The following FHDC1 variants were observed in gnomAD, a reference collection of about 807,000 sequenced individuals.
FHDC1 encodes FH2 domain containing 1, also known as FH2 domain-containing protein 1.
In FHDC1, 25 loss-of-function variants were observed where a neutral mutation model predicts 52.6. The ratio of observed to expected loss-of-function variants is 0.48; its 90% CI spans 0.35 to 0.66. FHDC1 has a LOEUF of 0.66. FHDC1 is among the 30% of genes least tolerant of loss of function. The pLI, the probability that FHDC1 is intolerant of heterozygous loss-of-function variation, is 0.01. For synonymous variants in FHDC1, 616 were observed against 581.5 expected (o/e 1.06, Z -0.85); for missense variants, 1,459 against 1,452.8 (o/e 1.00, Z -0.07).
chr4:152,965,398 A>G (rs934596120), intron 9 of FHDC1, among the ~76,000 whole-genome samples: 2 of 152,320 alleles, frequency 1.3e-5, no homozygotes, highest in African/African-American at 4.8e-5. Context: ...AAGAGTTTGT[A>G]ACCGTACCAA....
chr4:152,942,889 TTGTC>T (rs1041410421), intron 1 of FHDC1, 35 bp from the exon 2 acceptor site: 6 of 681,296 alleles, frequency 8.8e-6, no homozygotes, highest in Non-Finnish European at 1.4e-5. Flanking sequence ...GCGAAACTGT[TTGTC>T]TGTAACTGAT....
chr4:152,943,254 T>A lies in FHDC1; in HGVS notation c.197T>A (p.Leu66His). The change falls in exon 2 of 12, where the codon CTT (leucine) becomes CAT (histidine). Residue 66 changes from leucine (L) to histidine (H), a missense_variant. Coordinates refer to ENST00000511601, the MANE Select transcript of FHDC1 (RefSeq NM_001371116.1). ...SSPPPPPPPP[L>H]PGEPPIPPPP... is the part of the protein sequence containing the mutation. ...CCTCCTCCACCCCCACCACCTCCAC[T>A]TCCTGGGGAGCCTCCCATCCCACCT... 1 of 1,078,758 alleles carries A rather than the reference T, an allele frequency of 9.3e-7. No homozygotes were observed. Among genetic ancestry groups the A allele is most frequent in the Non-Finnish European group, 1.2e-6 (1 of 808,560 alleles). The allele number at this position is 1,078,758 out of a possible 1,614,324, so 66.8% of individuals were successfully genotyped here.
At chr4:152,915,350 G>A in the FHDC1 span, among the ~76,000 whole-genome samples, 4 of 152,134 alleles carry the variant, frequency 2.6e-5, no homozygotes, top group Admixed American at 6.5e-5. Context: ...TTCAATATAC[G>A]TAATTCCTCC....
At chr4:152,943,599 G>GTTTTGTGT in intron 2 of FHDC1, 44 bp downstream of exon 2, 1 of 1,559,058 alleles carries the variant, frequency 6.4e-7, no homozygotes, top group Non-Finnish European at 8.7e-7. Context: ...ACACTGCATT[G>GTTTTGTGT]TTTTGTGTTT....
At chr4:152,957,928 C>T (rs781042677) in intron 4 of FHDC1, among the ~76,000 whole-genome samples, 40 of 152,152 alleles carry the variant, frequency 2.6e-4, no homozygotes, top group Non-Finnish European at 4.9e-4. Flanking sequence ...ACACCCCCAC[C>T]ACGCCTGACC....
chr4:152,955,677 C>T (rs1043914163), intron 4 of FHDC1, among the ~76,000 whole-genome samples: 1 of 152,184 alleles, frequency 6.6e-6, no homozygotes, highest in Non-Finnish European at 1.5e-5. Flanking sequence ...GGGATTTCAC[C>T]ATGTTGTTCA....
intron 2 of FHDC1, among the ~76,000 whole-genome samples, chr4:152,949,158 A>AGC: frequency 1.4e-5 from 2 of 141,964 alleles, no homozygotes; most frequent in African/African-American, 5.2e-5. Context: ...GAAGAAGAAG[A>AGC]AGAAGAAGAA....
At position 152,943,323 on chromosome 4, in the gene FHDC1, G is replaced by A; in HGVS notation, c.266G>A (p.Ser89Asn). ...LPPTTHMNGY[S>N]HLGKKKRMRS... ...CCAACTACTCACATGAACGGCTACA[G>A]CCACCTTGGTAAGAAAAAGCGGATG... The change falls in exon 2 of 12, where the codon AGC (serine) becomes AAC (asparagine). Residue 89 changes from serine to asparagine, a missense_variant. Around this residue, in one of 3 missense-constraint regions of FHDC1, gnomAD observed 513 missense variants for 581.5 expected, o/e 0.88. Coordinates refer to ENST00000511601, the MANE Select transcript of FHDC1 (RefSeq NM_001371116.1). 1.3e-6 allele frequency: 2 copies of A among 1,515,002 alleles called. No individual in the cohort carries two copies. Among genetic ancestry groups the A allele is most frequent in the Non-Finnish European group, 1.8e-6 (2 of 1,122,374 alleles). The allele number at this position is 1,515,002 out of a possible 1,614,324, so 93.8% of individuals were successfully genotyped here.
At chr4:152,931,997 T>C (rs1246807491), upstream of FHDC1, among the ~76,000 whole-genome samples, 2 of 106,248 alleles carry the variant, frequency 1.9e-5, no homozygotes, top group Non-Finnish European at 4.0e-5. Context: ...TTCAGAAAAA[T>C]ATTTCTCCCT....
intron 9 of FHDC1, among the ~76,000 whole-genome samples, chr4:152,965,766 C>T (rs953688270): frequency 1.3e-5 from 2 of 152,162 alleles, no homozygotes; most frequent in African/African-American, 4.8e-5. Flanking sequence ...AAGAGACACC[C>T]ACAGTTGGTT....
At chr4:152,960,468 C>A (rs978981118) in intron 4 of FHDC1, 97 bp from the exon 5 acceptor site, 1 of 1,070,206 alleles carries the variant, frequency 9.3e-7, no homozygotes, top group Non-Finnish European at 1.4e-6. Context: ...GCACTAAAAT[C>A]CTATTTTTTT....
the FHDC1 span, chr4:152,927,929 T>C: frequency 3.4e-6 from 5 of 1,449,762 alleles, no homozygotes; most frequent in Non-Finnish European, 4.8e-6. Context: ...GCGTAAGAGC[T>C]CAGAGAGTGA....
rs1180865819 is a variant in FHDC1 at position 152,964,908 on chromosome 4, G to T, written c.1033G>T (p.Ala345Ser). The T allele has an allele frequency of 1.2e-6, 2 of 1,610,772 alleles. No individual in the cohort carries two copies. The highest frequency in any genetic ancestry group is 8.5e-7 in the Non-Finnish European group (1 of 1,178,798). ...MNLLHFVAQEAQKKDTILLNF... is the reference protein window; with the variant it reads ...MNLLHFVAQESQKKDTILLNF... ...TAAAATTCTGTTTTTGTTCCAGGAA[G>T]CCCAAAAGAAAGATACCATTCTTCT... The change falls in exon 9 of 12, where the codon GCC (alanine) becomes TCC (serine). Residue 345 changes from alanine (A) to serine (S), a missense_variant. Ala to Ser is a moderately conservative substitution (Grantham distance 99). This residue lies in a region of FHDC1 where 513 missense variants were observed against 581.5 expected (regional missense o/e 0.88). Coordinates refer to ENST00000511601, the MANE Select transcript of FHDC1 (RefSeq NM_001371116.1).
chr4:152,953,335 T>G (rs1422807923), intron 2 of FHDC1, among the ~76,000 whole-genome samples, 164 bp from the exon 3 acceptor site: 1 of 152,236 alleles, frequency 6.6e-6, no homozygotes, highest in Non-Finnish European at 1.5e-5. Context: ...TCTTTTAATA[T>G]TTGTAAAACT....
In FHDC1 at chr4:152,974,820, A is replaced by G; in HGVS notation, c.1529A>G (p.Lys510Arg). The G allele has an allele frequency of 1.3e-6, 2 of 1,580,178 alleles. No homozygotes were observed. Among genetic ancestry groups the G allele is most frequent in the Non-Finnish European group, 1.7e-6 (2 of 1,158,876 alleles). ...AATGATGTGGAGCTGCTGACCAAGA[A>G]GGGTGCAGAGGGCCTGCTCCCTTTC... is the stretch of plus-strand genomic sequence containing the variant. ...SENDVELLTK[K>R]GAEGLLPFLH... Residue 510 changes from lysine (K) to arginine (R), a missense_variant, in exon 12 of 12, where the codon AAG becomes AGG. Lys to Arg is a conservative substitution (Grantham distance 26). Transcript: ENST00000511601.
rs372128617 is a variant in FHDC1, at chr4:152,976,753, A to C, written c.*30A>C. On this transcript the variant is annotated 3_prime_UTR_variant, in exon 12 of 12. Transcript: ENST00000511601. ...TGCCTGTCCTCTCCTGCCTCCTGGG[A>C]TTCAGACGGTGAAGACTGACTTCTG... 2.0e-5 allele frequency: 29 copies of C among 1,453,092 alleles called. No homozygotes were observed. Among genetic ancestry groups the C allele is most frequent in the Admixed American group, 2.8e-5 (1 of 35,756 alleles). 90.0% of individuals were successfully genotyped at this position (1,453,092 alleles called of 1,614,324 possible).
intron 1 of FHDC1, among the ~76,000 whole-genome samples, chr4:152,936,794 AC>A (rs1739393819): frequency 6.6e-6 from 1 of 152,220 alleles, no homozygotes; most frequent in East Asian, 1.9e-4. Flanking sequence ...TTTCAGATCA[AC>A]CGCCCCCTAG....
chr4:152,931,495 CA>C, upstream of FHDC1, among the ~76,000 whole-genome samples: 1 of 138,230 alleles, frequency 7.2e-6, no homozygotes, highest in South Asian at 2.2e-4. Flanking sequence ...CACACACACA[CA>C]CACACACACA....
the FHDC1 span, among the ~76,000 whole-genome samples, chr4:152,922,661 G>A: frequency 2.0e-5 from 3 of 152,156 alleles, no homozygotes; most frequent in Non-Finnish European, 2.9e-5. Context: ...TATCCACCAT[G>A]ATCAAGTGGG....
Sources: gnomAD v4.1 joint callset for allele counts (sites outside exome capture counted in the v4.1 genomes callset) on GRCh38, gnomAD v4.1.1 for gene constraint, gnomAD v4.1.1 regional missense constraint, MANE v1.5 for transcripts, NCBI Gene and HGNC (gene_info 2026-07-23, HGNC 2026-07-21) for gene names.